ELP4: variants seen among roughly 807,000 people sequenced by gnomAD.
The protein encoded by ELP4 is elongator acetyltransferase complex subunit 4.
Under a neutral mutation model 48.9 loss-of-function variants are expected in ELP4, and 51 were observed. That is an observed-to-expected ratio of 1.04 (90% CI 0.83 to 1.32). The LOEUF is 1.32. Ranked by LOEUF, ELP4 falls within the 40% of genes most tolerant of loss-of-function variation. The pLI, the probability that ELP4 is intolerant of heterozygous loss-of-function variation, is 0.00. For synonymous variants in ELP4, 210 were observed against 189.2 expected (o/e 1.11, Z -0.90); for missense variants, 519 against 514.6 (o/e 1.01, Z -0.08).
intron 7 of ELP4, among the ~76,000 whole-genome samples, chr11:31,642,472 T>TC (rs1945118880): frequency 6.6e-6 from 1 of 151,928 alleles, no homozygotes; most frequent in Admixed American, 6.6e-5. Flanking sequence ...GCAGTTTTTT[T>TC]CACCATCAAG....
At chr11:31,547,211 A>C (rs1168340832) in intron 3 of ELP4, among the ~76,000 whole-genome samples, 1 of 152,194 alleles carries the variant, frequency 6.6e-6, no homozygotes, top group Admixed American at 6.5e-5. Context: ...GTTTTTTGAA[A>C]GGATCAACAA....
intron 9 of ELP4, among the ~76,000 whole-genome samples, chr11:31,760,690 T>C (rs1195120851): frequency 1.3e-5 from 2 of 152,230 alleles, no homozygotes; most frequent in Admixed American, 1.3e-4. Context: ...CCTGTAACTG[T>C]ACTTAGATGA....
chr11:31,615,547 GA>G (rs1457992689), intron 5 of ELP4, among the ~76,000 whole-genome samples: 23 of 150,542 alleles, frequency 1.5e-4, no homozygotes, highest in South Asian at 4.2e-4. Flanking sequence ...TTTTTACTTC[GA>G]AAAAAATGTA....
intron 9 of ELP4, among the ~76,000 whole-genome samples, chr11:31,704,642 TAAA>T (rs1002572534): frequency 1.6e-4 from 24 of 152,020 alleles, no homozygotes; most frequent in African/African-American, 5.8e-4. Context: ...ATAATAAAAA[TAAA>T]AAAATTAAAA....
At chr11:31,629,137 C>T (rs1312778401) in intron 6 of ELP4, among the ~76,000 whole-genome samples, 1 of 151,834 alleles carries the variant, frequency 6.6e-6, no homozygotes, top group Non-Finnish European at 1.5e-5. Context: ...CAGACATTTA[C>T]AAATTGCGGT....
At chr11:31,580,342 A>C (rs972892678) in intron 3 of ELP4, among the ~76,000 whole-genome samples, 5 of 152,152 alleles carry the variant, frequency 3.3e-5, no homozygotes, top group African/African-American at 1.2e-4. Context: ...GTGAAATAGG[A>C]GGTTGTTTTC....
At chr11:31,758,035 T>C (rs774323143) in intron 9 of ELP4, among the ~76,000 whole-genome samples, 17 of 152,314 alleles carry the variant, frequency 1.1e-4, no homozygotes, top group Admixed American at 4.6e-4. Context: ...TCCTCCCTGA[T>C]CATTATAATT....
intron 1 of ELP4, among the ~76,000 whole-genome samples, chr11:31,518,026 A>G (rs1956147809): frequency 3.3e-5 from 5 of 152,344 alleles, no homozygotes; most frequent in South Asian, 2.1e-4. Context: ...CAAAATGGCA[A>G]TAGTTTTACA....
chr11:31,730,767 A>G (rs1302557209), intron 9 of ELP4, among the ~76,000 whole-genome samples: 1 of 152,230 alleles, frequency 6.6e-6, no homozygotes, highest in Non-Finnish European at 1.5e-5. Flanking sequence ...AGAATGGAGC[A>G]TGTGTTCAAC....
At chr11:31,767,935 T>C (rs1385148414) in intron 9 of ELP4, 1 of 152,096 alleles carries the variant, frequency 6.6e-6, no homozygotes, top group Admixed American at 6.6e-5. Context: ...CCTTTTCAAA[T>C]TGGTGAGGAG....
At chr11:31,557,548 T>G (rs1351790329) in intron 3 of ELP4, among the ~76,000 whole-genome samples, 2 of 152,060 alleles carry the variant, frequency 1.3e-5, no homozygotes, top group Non-Finnish European at 1.5e-5. Flanking sequence ...TAGTCAGTTG[T>G]TTGCTTTTAC....
chr11:31,531,648 G>A (rs901275178), intron 2 of ELP4, among the ~76,000 whole-genome samples: 3 of 152,174 alleles, frequency 2.0e-5, no homozygotes, highest in Non-Finnish European at 2.9e-5. Flanking sequence ...TATGGAAGGG[G>A]GAATGTATTG....
chr11:31,521,515 G>T (rs928964875), intron 2 of ELP4, among the ~76,000 whole-genome samples: 2 of 152,050 alleles, frequency 1.3e-5, no homozygotes, highest in Non-Finnish European at 2.9e-5. Context: ...GCAATAAACA[G>T]TAAAATAGGA....
intron 3 of ELP4, among the ~76,000 whole-genome samples, chr11:31,555,355 A>G (rs1956913930): frequency 6.6e-6 from 1 of 152,082 alleles, no homozygotes; most frequent in Admixed American, 6.6e-5. Context: ...ACACTGCTCT[A>G]ATCTGAAAAT....
rs1474156208 is a variant in ELP4 at position 31,754,786 on chromosome 11, C to A, written c.1144-28607C>A. Among the ~76,000 whole-genome samples the A allele has an allele frequency of 3.3e-5, 5 of 152,200 alleles. No homozygotes were observed. The East Asian group carries it at 9.7e-4, about 29-fold the overall frequency. On this transcript the variant is annotated intron_variant, in intron 9 of 9. Transcript: ENST00000640961. ...ACTCAGGAGGGTGAGGCAGGAGAATCGCTTGAACCCAGGAGGCGGAGGTTG... is the reference window on the plus strand; with the variant it reads ...ACTCAGGAGGGTGAGGCAGGAGAATAGCTTGAACCCAGGAGGCGGAGGTTG...
chr11:31,545,132 A>G (rs1956676344), intron 3 of ELP4, among the ~76,000 whole-genome samples: 1 of 152,242 alleles, frequency 6.6e-6, no homozygotes, highest in Non-Finnish European at 1.5e-5. Context: ...ACAAAGTTGG[A>G]CAGAGAATGA....
chr11:31,583,363 G>A (rs553944877), intron 3 of ELP4, among the ~76,000 whole-genome samples: 12 of 152,208 alleles, frequency 7.9e-5, no homozygotes, highest in Admixed American at 2.0e-4. Flanking sequence ...TATAAACCAC[G>A]TTTGTTGTAG....
intron 3 of ELP4, among the ~76,000 whole-genome samples, chr11:31,590,653 CAGAAAGCAT>C (rs1429675489): frequency 2.0e-5 from 3 of 152,142 alleles, no homozygotes; most frequent in Non-Finnish European, 2.9e-5. Context: ...GCAAGCTGTA[CAGAAAGCAT>C]AGTGGCTTAT....
At chr11:31,728,592 A>G (rs1236521229) in intron 9 of ELP4, among the ~76,000 whole-genome samples, 1 of 152,198 alleles carries the variant, frequency 6.6e-6, no homozygotes, top group Non-Finnish European at 1.5e-5. Context: ...ATATGCTGCA[A>G]AAGCTCTAAG....
Sources: gnomAD v4.1 joint callset for allele counts (sites outside exome capture counted in the v4.1 genomes callset) on GRCh38, gnomAD v4.1.1 for gene constraint, MANE v1.5 for transcripts, NCBI Gene and HGNC (gene_info 2026-07-23, HGNC 2026-07-21) for gene names.